Variants in DYNLL1 observed in about 807,000 individuals in gnomAD.
DYNLL1 encodes the protein dynein light chain LC8-type 1, also known as dynein light chain 1, cytoplasmic.
Under a neutral mutation model 10.1 loss-of-function variants are expected in DYNLL1, and 3 were observed. The observed-to-expected ratio is 0.30, with a 90% CI of 0.14 to 0.77. DYNLL1 has a LOEUF of 0.77. Ranked by LOEUF, DYNLL1 falls within the 30% of genes least tolerant of loss-of-function variation. The probability of loss-of-function intolerance (pLI) is 0.66; values close to 1 mark genes in which losing one functional copy is unlikely to be tolerated. For synonymous variants in DYNLL1, 46 were observed against 41.2 expected (o/e 1.12, Z -0.45); for missense variants, 47 against 111.7 (o/e 0.42, Z 2.61).
chr12:120,470,516 G>C (rs1878622979), intron 1 of DYNLL1, among the ~76,000 whole-genome samples: 1 of 152,184 alleles, frequency 6.6e-6, no homozygotes, highest in Non-Finnish European at 1.5e-5. Context: ...GCTCAGGCTG[G>C]AGTGCAATGG....
At chr12:120,490,032 G>GCCA (rs1879088969) in intron 1 of DYNLL1, among the ~76,000 whole-genome samples, 1 of 152,350 alleles carries the variant, frequency 6.6e-6, no homozygotes, top group African/African-American at 2.4e-5. Flanking sequence ...ACAGGCGTAA[G>GCCA]CCACCGTGCC....
At chr12:120,486,318 G>T (rs1878992933) in intron 1 of DYNLL1, among the ~76,000 whole-genome samples, 1 of 152,180 alleles carries the variant, frequency 6.6e-6, no homozygotes, top group Non-Finnish European at 1.5e-5. Context: ...GGAAGAAACA[G>T]ATTATTATGT....
chr12:120,494,263 A>G (rs1167706), upstream of DYNLL1, among the ~76,000 whole-genome samples: 40,862 of 151,748 alleles, frequency 0.27, 6,612 homozygotes, highest in Admixed American at 0.39. Context: ...TGAACCTGAA[A>G]AGGTTCTAAT....
At chr12:120,479,147 G>C (rs1024658644) in intron 1 of DYNLL1, among the ~76,000 whole-genome samples, 25 of 147,392 alleles carry the variant, frequency 1.7e-4, no homozygotes, top group Non-Finnish European at 2.4e-4. Flanking sequence ...CTGGGTGACA[G>C]AGCAAGTCTC....
intron 1 of DYNLL1, among the ~76,000 whole-genome samples, chr12:120,480,367 G>T (rs1220672851): frequency 6.6e-6 from 1 of 152,184 alleles, no homozygotes; most frequent in Admixed American, 6.5e-5. Context: ...TGTGCTAGAT[G>T]CTAGGGACAC....
chr12:120,481,403 A>G (rs975795977), intron 1 of DYNLL1, among the ~76,000 whole-genome samples: 12 of 152,140 alleles, frequency 7.9e-5, no homozygotes, highest in Admixed American at 6.6e-4. Flanking sequence ...GAGGTGCCCC[A>G]GCTACCCACA....
At chr12:120,479,232 C>T (rs1486970350) in intron 1 of DYNLL1, among the ~76,000 whole-genome samples, 1 of 149,040 alleles carries the variant, frequency 6.7e-6, no homozygotes, top group Non-Finnish European at 1.5e-5. Flanking sequence ...GAGGCTGAGG[C>T]GGGCAGATCA....
intron 1 of DYNLL1, among the ~76,000 whole-genome samples, chr12:120,480,078 A>G (rs1878849150): frequency 6.6e-6 from 1 of 152,140 alleles, no homozygotes; most frequent in Admixed American, 6.6e-5. Flanking sequence ...TGTTTGGAAG[A>G]CAGAAGGACA....
intron 1 of DYNLL1, among the ~76,000 whole-genome samples, chr12:120,484,964 T>A (rs7969682): frequency 1.0e-3 from 154 of 152,328 alleles, no homozygotes; most frequent in African/African-American, 3.6e-3. Context: ...GGTCTCGAAC[T>A]TCTGACCGCA....
upstream of DYNLL1, chr12:120,493,903 G>C (rs893338141): frequency 6.6e-6 from 1 of 151,750 alleles, no homozygotes; most frequent in African/African-American, 2.4e-5. Context: ...ACAGGCGTGA[G>C]CCACCACACC....
chr12:120,489,076 C>T (rs550153181), intron 1 of DYNLL1, among the ~76,000 whole-genome samples: 3 of 152,298 alleles, frequency 2.0e-5, no homozygotes, highest in Non-Finnish European at 4.4e-5. Flanking sequence ...GTACCTAGCA[C>T]CTAGCTCCGG....
At chr12:120,470,238 C>T (rs1469232328) in intron 1 of DYNLL1, 1 of 152,314 alleles carries the variant, frequency 6.6e-6, no homozygotes, top group Non-Finnish European at 1.5e-5. Context: ...ATGAGTATCA[C>T]AGCGATCACT....
chr12:120,474,095 G>A (rs559422137), intron 1 of DYNLL1, among the ~76,000 whole-genome samples: 1 of 151,912 alleles, frequency 6.6e-6, no homozygotes, highest in Admixed American at 6.6e-5. Context: ...AAGGAGCTGA[G>A]GCACCACCAG....
chr12:120,476,908 G>A (rs1339542318), intron 1 of DYNLL1, among the ~76,000 whole-genome samples: 10 of 151,232 alleles, frequency 6.6e-5, no homozygotes, highest in Admixed American at 1.3e-4. Context: ...CACCGCGCCC[G>A]GACTTTGTTT....
chr12:120,479,449 C>CAAAAAAAAAAAAAAAAAAAAAA (rs71076617), intron 1 of DYNLL1, among the ~76,000 whole-genome samples: 1 of 76,116 alleles, frequency 1.3e-5, no homozygotes, highest in East Asian at 3.0e-4. Flanking sequence ...ACTCCGTCTC[C>CAAAAAAAAAAAAAAAAAAAAAA]AAAAAAAAAA....
chr12:120,492,562 G>A (rs754819280), upstream of DYNLL1, among the ~76,000 whole-genome samples: 2 of 151,866 alleles, frequency 1.3e-5, no homozygotes, highest in Admixed American at 6.6e-5. The surrounding 1 kb of genome is among the most constrained non-coding windows in gnomAD (Gnocchi z 4.1). Context: ...GCAAGAGTCC[G>A]TCTCAAAAAA....
At chr12:120,473,573 T>C (rs1359252244) in intron 1 of DYNLL1, among the ~76,000 whole-genome samples, 1 of 149,952 alleles carries the variant, frequency 6.7e-6, no homozygotes, top group African/African-American at 2.5e-5. Flanking sequence ...CGCACACCTG[T>C]AATCCCAGCT....
intron 2 of DYNLL1, chr12:120,496,778 G>C: frequency 1.6e-6 from 1 of 643,844 alleles, no homozygotes; most frequent in Non-Finnish European, 2.6e-6. Flanking sequence ...CAGCTCCGCG[G>C]GGGGAAAGCG....
Position 120,498,159 on chromosome 12 carries a change from C to T in DYNLL1, c.219C>T (p.Phe73=). 6.2e-7 allele frequency: 1 copy of T among 1,614,012 alleles called. No individual in the cohort carries two copies. Among genetic ancestry groups the T allele is most frequent in the South Asian group, 1.1e-5 (1 of 91,072 alleles). ...ATGTGACACATGAAACCAAACACTT[C>T]ATCTACTTCTACCTGGGCCAAGTGG... ...GSYVTHETKH[F]IYFYLGQVAI... Residue 73 remains phenylalanine (F), a synonymous_variant, in exon 3 of 3, where the codon TTC becomes TTT. Coordinates refer to ENST00000242577, the MANE Select transcript of DYNLL1 (RefSeq NM_003746.3).
Sources: allele counts gnomAD v4.1 joint callset (sites outside exome capture counted in the v4.1 genomes callset), GRCh38; gene constraint gnomAD v4.1.1; non-coding constraint Gnocchi (gnomAD v3.1); transcripts MANE v1.5; gene names NCBI Gene and HGNC (gene_info 2026-07-23, HGNC 2026-07-21).